Variants in GSK3B observed in about 807,000 individuals in gnomAD.
The protein encoded by GSK3B is glycogen synthase kinase-3 beta.
Under a neutral mutation model 56.4 loss-of-function variants are expected in GSK3B, and 15 were observed. That is an observed-to-expected ratio of 0.27 (90% CI 0.18 to 0.41). The LOEUF (loss-of-function observed/expected upper bound fraction) is 0.41, where lower values mean the gene tolerates loss of function less well. Ranked by LOEUF, GSK3B falls within the 10% of genes least tolerant of loss-of-function variation. GSK3B has a pLI of 1.00. For synonymous variants in GSK3B, 181 were observed against 188.9 expected, an observed-to-expected ratio of 0.96 and a Z score of 0.34; for missense variants, 300 against 513.4, an observed-to-expected ratio of 0.58 and a Z score of 4.02.
rs2055495585 is a variant in GSK3B at position 119,825,857 on chromosome 3, CTT to C, written c.*929_*930del. ...AACTTTAGAAAAAAATCTGGACAAA[CTT>C]ATTCACAGTGGTGAGATGTATCCCT... On this transcript the variant is annotated 3_prime_UTR_variant, in exon 11 of 11. Transcript: ENST00000264235. 1.8e-5 allele frequency: 4 copies of C among 218,678 alleles called. No homozygotes were observed. In the East Asian group the frequency reaches 2.0e-4, roughly 11 times the overall value. The allele number at this position is 218,678 out of a possible 1,614,324, so 13.5% of individuals were successfully genotyped here.
intron 7 of GSK3B, among the ~76,000 whole-genome samples, chr3:119,884,226 G>A (rs776273699): frequency 1.3e-5 from 2 of 152,278 alleles, no homozygotes; most frequent in East Asian, 1.9e-4. Flanking sequence ...AGTATCTTAT[G>A]ACACAATGAA....
chr3:119,955,183 C>G (rs1044866838), intron 2 of GSK3B, among the ~76,000 whole-genome samples: 4 of 150,884 alleles, frequency 2.7e-5, no homozygotes, highest in Non-Finnish European at 4.4e-5. Flanking sequence ...TAATTCATCT[C>G]TAAATCTTTG....
chr3:119,862,533 A>AT (rs1203254398), intron 9 of GSK3B, among the ~76,000 whole-genome samples: 1 of 149,100 alleles, frequency 6.7e-6, no homozygotes, highest in Admixed American at 6.7e-5. Flanking sequence ...ATAAAAAAAA[A>AT]AAAAAAAAAA....
Position 119,918,302 on chromosome 3 carries a change from G to A in GSK3B, c.478-2128C>T, listed in dbSNP as rs542110877. ...CCTGGGGGCAACATGGTGAAACCCC[G>A]TCTCTACTAAAATGCAAAAAATTAG... is the stretch of plus-strand genomic sequence containing the variant. On this transcript the variant is annotated intron_variant, in intron 4 of 10. Transcript: ENST00000264235. Among the ~76,000 whole-genome samples, 163 of 151,640 alleles carry A rather than the reference G, an allele frequency of 1.1e-3. 2 individuals carry two copies. Among genetic ancestry groups the A allele is most frequent in the Middle Eastern group, 0.01 (3 of 294 alleles).
intron 1 of GSK3B, among the ~76,000 whole-genome samples, chr3:120,003,034 ATCT>A (rs147132119): frequency 0.016 from 2,441 of 152,304 alleles, 60 homozygotes; most frequent in African/African-American, 0.055. Context: ...GCTTCCCTGA[ATCT>A]TCTTTTTAGC....
chr3:119,879,849 C>T (rs2056359749), intron 7 of GSK3B, among the ~76,000 whole-genome samples: 1 of 152,132 alleles, frequency 6.6e-6, no homozygotes, highest in African/African-American at 2.4e-5. Flanking sequence ...TTTTCTTTAT[C>T]CATTCATGAA....
chr3:119,837,457 A>C (rs192410403), intron 10 of GSK3B, among the ~76,000 whole-genome samples: 9 of 151,814 alleles, frequency 5.9e-5, no homozygotes, highest in African/African-American at 2.2e-4. Context: ...GAGCCACCAC[A>C]CCTGGCCAAA....
At chr3:119,900,831 ATT>A (rs1298706902) in intron 7 of GSK3B, among the ~76,000 whole-genome samples, 2 of 152,146 alleles carry the variant, frequency 1.3e-5, no homozygotes, top group Non-Finnish European at 2.9e-5. Context: ...GTAAGATGGT[ATT>A]TTTATTTAAA....
At chr3:119,860,213 T>C (rs997307381) in intron 9 of GSK3B, among the ~76,000 whole-genome samples, 2 of 152,214 alleles carry the variant, frequency 1.3e-5, no homozygotes, top group African/African-American at 4.8e-5. Context: ...AATTAGTTCA[T>C]AAGAAAATAC....
intron 2 of GSK3B, among the ~76,000 whole-genome samples, chr3:119,985,955 C>G (rs1220748203): frequency 6.6e-6 from 1 of 152,128 alleles, no homozygotes; most frequent in Non-Finnish European, 1.5e-5. Context: ...CTACAGTCAC[C>G]AAAACAGCAT....
intron 2 of GSK3B, among the ~76,000 whole-genome samples, chr3:119,982,831 C>T (rs933083190): frequency 6.6e-6 from 1 of 152,146 alleles, no homozygotes; most frequent in Non-Finnish European, 1.5e-5. Context: ...GGCAGGCCAA[C>T]ATCCAAATTC....
intron 2 of GSK3B, among the ~76,000 whole-genome samples, chr3:119,974,073 T>A (rs140300380): frequency 1.1e-3 from 171 of 152,104 alleles, no homozygotes; most frequent in African/African-American, 4.1e-3. Flanking sequence ...AAATACAACA[T>A]AAAAAACACA....
At chr3:119,917,629 G>C (rs2056794289) in intron 4 of GSK3B, among the ~76,000 whole-genome samples, 1 of 149,988 alleles carries the variant, frequency 6.7e-6, no homozygotes, top group Admixed American at 6.6e-5. Flanking sequence ...TTGATGTCTA[G>C]GTCTGCAAGA....
chr3:119,850,530 G>T (rs1210347826), intron 9 of GSK3B, among the ~76,000 whole-genome samples: 2 of 152,024 alleles, frequency 1.3e-5, no homozygotes, highest in African/African-American at 4.8e-5. Context: ...ACTTTTTATG[G>T]GGACAGACTA....
chr3:119,876,318 C>G (rs2056312948), intron 8 of GSK3B, 95 bp downstream of exon 8: 3 of 714,726 alleles, frequency 4.2e-6, no homozygotes, highest in Non-Finnish European at 7.5e-6. Flanking sequence ...TGCTTGTATT[C>G]ATGCAACTAT....
intron 1 of GSK3B, among the ~76,000 whole-genome samples, chr3:120,088,540 C>T (rs2058484694): frequency 2.0e-5 from 3 of 152,144 alleles, no homozygotes; most frequent in African/African-American, 7.2e-5. Flanking sequence ...GCCAAGAGTG[C>T]AACCTCCGCT....
chr3:119,957,592 T>C (rs1228059392), intron 2 of GSK3B, among the ~76,000 whole-genome samples: 6 of 152,190 alleles, frequency 3.9e-5, no homozygotes, highest in Admixed American at 1.3e-4. Flanking sequence ...TTATTAACAA[T>C]AGCAATGATG....
intron 1 of GSK3B, among the ~76,000 whole-genome samples, chr3:120,036,252 A>C (rs2058021753): frequency 6.6e-6 from 1 of 152,216 alleles, no homozygotes; most frequent in Non-Finnish European, 1.5e-5. Context: ...AATGACTAAA[A>C]CTGGTATGAA....
chr3:119,895,549 A>G (rs1015871734), intron 7 of GSK3B, among the ~76,000 whole-genome samples: 15 of 152,174 alleles, frequency 9.9e-5, no homozygotes, highest in African/African-American at 3.4e-4. Context: ...ACAGTGTACA[A>G]GGATTCCCTT....
Sources: gnomAD v4.1 joint callset for allele counts (sites outside exome capture counted in the v4.1 genomes callset) on GRCh38, gnomAD v4.1.1 for gene constraint, MANE v1.5 for transcripts, NCBI Gene and HGNC (gene_info 2026-07-23, HGNC 2026-07-21) for gene names.